SNF8: variants seen among roughly 807,000 people sequenced by gnomAD.
SNF8 encodes the protein SNF8 subunit of ESCRT-II.
A neutral mutation model predicts 36.8 loss-of-function variants in SNF8; 19 were observed. The observed-to-expected ratio is 0.52, with a 90% CI of 0.36 to 0.76. SNF8 has a LOEUF of 0.76. Among genes scored for constraint, SNF8 ranks in the 30% least tolerant of loss-of-function variants. SNF8 has a pLI of 0.00. For synonymous variants in SNF8, 127 were observed against 127.4 expected, an observed-to-expected ratio of 1.00 and a Z score of 0.02; for missense variants, 268 against 322.9, an observed-to-expected ratio of 0.83 and a Z score of 1.30.
intron 2 of SNF8, 141 bp from the exon 3 acceptor site, chr17:48,941,203 CTCTT>C: frequency 1.1e-6 from 1 of 896,634 alleles, no homozygotes; most frequent in Non-Finnish European, 1.7e-6. Flanking sequence ...TTTACCATCT[CTCTT>C]TTTATCCCTG....
chr17:48,935,865 C>A, intron 5 of SNF8: 1 of 249,388 alleles, frequency 4.0e-6, no homozygotes, highest in Non-Finnish European at 7.7e-6. Context: ...CTGGCCCATG[C>A]CTATAATCCC....
At chr17:48,941,147 G>A (rs2041017587) in intron 2 of SNF8, 85 bp from the exon 3 acceptor site, 1 of 1,501,638 alleles carries the variant, frequency 6.7e-7, no homozygotes, top group Admixed American at 1.7e-5. Flanking sequence ...CCTGTGGCAG[G>A]GCAAAGGCTG....
Position 48,930,492 on chromosome 17 carries a change from T to C in SNF8, c.760A>G (p.Arg254Gly). 2 of 1,608,702 alleles carry C rather than the reference T, an allele frequency of 1.2e-6. No individual in the cohort carries two copies. The highest frequency in any genetic ancestry group is 2.7e-5 in the African/African-American group (2 of 74,966). ...YSQEITAEEA[R>G]EALP ...ACATGCAGTCAGGGGAGGGCTTCTC[T>C]GGCCTCCTCAGCTGTAATCTCCTGG... The change falls in exon 8 of 8, where the codon AGA (arginine) becomes GGA (glycine). Residue 254 changes from arginine (R) to glycine (G), a missense_variant. Coordinates refer to ENST00000502492, the MANE Select transcript of SNF8 (RefSeq NM_007241.4).
At chr17:48,930,941 T>A (rs1313249967) in intron 7 of SNF8, among the ~76,000 whole-genome samples, 1 of 152,220 alleles carries the variant, frequency 6.6e-6, no homozygotes, top group Non-Finnish European at 1.5e-5. Flanking sequence ...TCCCAGAAAC[T>A]GTTAAACAGA....
At chr17:48,943,620 CAA>C (rs2041062398) in intron 2 of SNF8, among the ~76,000 whole-genome samples, 1 of 151,786 alleles carries the variant, frequency 6.6e-6, no homozygotes, top group Non-Finnish European at 1.5e-5. Flanking sequence ...AACAAACAAA[CAA>C]ACAAACAAAC....
chr17:48,930,170 A>C lies in SNF8; in HGVS notation c.*305T>G, dbSNP rs1449063508. On this transcript the variant is annotated 3_prime_UTR_variant, in exon 8 of 8. Transcript: ENST00000502492. ...TAATCTATGTCTCACAGCTACAAAG[A>C]CTAGACAGGCCAGGAAACAACCCAC... The C allele has an allele frequency of 4.5e-6, 1 of 222,506 alleles. No individual in the cohort carries two copies. The highest frequency in any genetic ancestry group is 2.3e-5 in the African/African-American group (1 of 43,928). The allele number at this position is 222,506 out of a possible 1,614,324, so 13.8% of individuals were successfully genotyped here. A position where few individuals can be genotyped will look rare whatever the true frequency, so the allele number is the denominator to read the frequency against.
At chr17:48,941,151 A>G in intron 2 of SNF8, 89 bp from the exon 3 acceptor site, 1 of 1,467,194 alleles carries the variant, frequency 6.8e-7, no homozygotes, top group Non-Finnish European at 9.4e-7. Flanking sequence ...TGGCAGGGCA[A>G]AGGCTGAAAT....
At position 48,944,828 on chromosome 17, in the gene SNF8, C is replaced by G. The variant is rs1488509816; in HGVS notation, c.-94G>C. ...CGGCTCCCCAAGGCGGAAGCCCGAG[C>G]CGCGCGTCATCTGCACGCGCCGGAA... is the stretch of plus-strand genomic sequence containing the variant. On this transcript the variant is annotated 5_prime_UTR_variant, in exon 1 of 8. Transcript: ENST00000502492. The G allele has an allele frequency of 7.1e-7, 1 of 1,401,954 alleles. No individual in the cohort carries two copies. The highest frequency in any genetic ancestry group is 9.2e-7 in the Non-Finnish European group (1 of 1,089,098). The allele number at this position is 1,401,954 out of a possible 1,614,324, so 86.8% of individuals were successfully genotyped here.
chr17:48,933,519 A>G lies in SNF8; in HGVS notation c.423-173T>C, dbSNP rs1019667647. 7.4e-6 allele frequency: 5 copies of G among 677,040 alleles called. No individual in the cohort carries two copies. The African/African-American group carries it at 9.0e-5, about 12-fold the overall frequency. The allele number at this position is 677,040 out of a possible 1,614,324, so 41.9% of individuals were successfully genotyped here. A position where few individuals can be genotyped will look rare whatever the true frequency, so the allele number is the denominator to read the frequency against. ...CTTTTGGGATGCCCACATTGAGAAG[A>G]CTGCTTGAGCCCAGGGGTTAGAGAC... On this transcript the variant is annotated intron_variant, in intron 5 of 7. Transcript: ENST00000502492.
intron 1 of SNF8, 179 bp from the exon 2 acceptor site, chr17:48,944,154 T>C (rs1045515721): frequency 5.1e-5 from 27 of 528,738 alleles, no homozygotes; most frequent in African/African-American, 4.6e-4. Context: ...TACAAAAAAA[T>C]AGCCGGACGT....
At chr17:48,933,134 C>A in intron 6 of SNF8, 71 bp downstream of exon 6, 2 of 1,563,752 alleles carry the variant, frequency 1.3e-6, no homozygotes, top group Non-Finnish European at 8.8e-7. Context: ...GGAGCACGAG[C>A]TGAGAACTGC....
chr17:48,938,035 C>T (rs564511931), intron 3 of SNF8, among the ~76,000 whole-genome samples: 3 of 152,208 alleles, frequency 2.0e-5, no homozygotes, highest in African/African-American at 7.2e-5. Flanking sequence ...AGTTTCCATT[C>T]ACAAAGCATG....
chr17:48,936,834 C>G (rs781365121), intron 4 of SNF8, 186 bp downstream of exon 4: 2 of 621,552 alleles, frequency 3.2e-6, no homozygotes, highest in Non-Finnish European at 5.7e-6. Flanking sequence ...CAGAGACAAT[C>G]GTTCAGGTAA....
At chr17:48,936,344 T>C in intron 4 of SNF8, 102 bp from the exon 5 acceptor site, 1 of 826,720 alleles carries the variant, frequency 1.2e-6, no homozygotes, top group Non-Finnish European at 2.0e-6. Flanking sequence ...CAAATAACAT[T>C]CTAGTTCCTA....
chr17:48,932,900 C>T (rs990558138), intron 6 of SNF8: 4 of 289,354 alleles, frequency 1.4e-5, no homozygotes, highest in African/African-American at 6.5e-5. Flanking sequence ...TTTCAAAAGA[C>T]ATCAAAGAGT....
At chr17:48,937,797 G>A (rs1032662219) in intron 3 of SNF8, among the ~76,000 whole-genome samples, 7 of 151,796 alleles carry the variant, frequency 4.6e-5, no homozygotes, top group Admixed American at 1.3e-4. Flanking sequence ...GTGGTGGCGC[G>A]TGCCTGTAAT....
chr17:48,943,840 C>G (rs1203799617), intron 2 of SNF8, 85 bp downstream of exon 2: 1 of 1,240,422 alleles, frequency 8.1e-7, no homozygotes, highest in African/African-American at 1.5e-5. Flanking sequence ...CTAGTTCAAT[C>G]TACACAATCA....
At chr17:48,941,138 C>T in intron 2 of SNF8, 76 bp from the exon 3 acceptor site, 1 of 1,551,784 alleles carries the variant, frequency 6.4e-7, no homozygotes. Flanking sequence ...GTCCCCAGCC[C>T]TGTGGCAGGG....
intron 5 of SNF8, among the ~76,000 whole-genome samples, chr17:48,934,208 G>A (rs986900885): frequency 6.6e-6 from 1 of 152,146 alleles, no homozygotes; most frequent in African/African-American, 2.4e-5. Flanking sequence ...AGATTGGAAT[G>A]CATTCTCCAA....
Sources: gnomAD v4.1 joint callset for allele counts (sites outside exome capture counted in the v4.1 genomes callset) on GRCh38, gnomAD v4.1.1 for gene constraint, MANE v1.5 for transcripts, NCBI Gene and HGNC (gene_info 2026-07-23, HGNC 2026-07-21) for gene names.